TENM2: variants seen among roughly 807,000 people sequenced by gnomAD.
TENM2 encodes the protein teneurin transmembrane protein 2.
A neutral mutation model predicts 245.2 loss-of-function variants in TENM2; 52 were observed. That is an observed-to-expected ratio of 0.21 (90% CI 0.17 to 0.27). The LOEUF (loss-of-function observed/expected upper bound fraction) is 0.27, where lower values mean the gene tolerates loss of function less well. Among genes scored for constraint, TENM2 ranks in the 10% least tolerant of loss-of-function variants. The pLI is 1.00. For missense variants in TENM2, 3,046 were observed against 3,666.8 expected (o/e 0.83, Z 4.37); for synonymous variants, 1,363 against 1,438.9 (o/e 0.95, Z 1.19).
chr5:167,483,414 T>G (rs1237292597), intron 2 of TENM2, among the ~76,000 whole-genome samples: 1 of 152,158 alleles, frequency 6.6e-6, no homozygotes, highest in East Asian at 1.9e-4. Flanking sequence ...ATTAGTTATG[T>G]GTATTTTCTG....
chr5:167,220,523 C>T, the TENM2 span, among the ~76,000 whole-genome samples: 2 of 152,004 alleles, frequency 1.3e-5, no homozygotes, highest in African/African-American at 4.8e-5. Context: ...TATTAGATCC[C>T]AAATAAGAAT....
At chr5:167,409,136 A>G (rs2039061583) in intron 2 of TENM2, among the ~76,000 whole-genome samples, 1 of 151,934 alleles carries the variant, frequency 6.6e-6, no homozygotes, top group South Asian at 2.1e-4. Flanking sequence ...ACTCAAGTCT[A>G]CCTGTCTAGA....
intron 2 of TENM2, among the ~76,000 whole-genome samples, chr5:167,409,905 G>GT (rs547164243): frequency 1.1e-4 from 17 of 151,878 alleles, no homozygotes; most frequent in East Asian, 3.9e-4. Context: ...TTCTTTGTTA[G>GT]TTTTTTTAGA....
At chr5:167,399,621 C>T (rs1005586289) in intron 2 of TENM2, among the ~76,000 whole-genome samples, 1 of 152,110 alleles carries the variant, frequency 6.6e-6, no homozygotes, top group Non-Finnish European at 1.5e-5. Context: ...GTGTAAAGCT[C>T]AGTTTTGTCA....
chr5:167,666,600 C>T (rs898675302), intron 2 of TENM2, among the ~76,000 whole-genome samples: 1 of 152,060 alleles, frequency 6.6e-6, no homozygotes, highest in African/African-American at 2.4e-5. Flanking sequence ...CACTCAAGGA[C>T]AGTACTTAGA....
chr5:168,215,060 A>G (rs760486856), exon 21 of TENM2: 1 of 1,613,822 alleles, frequency 6.2e-7, no homozygotes, highest in African/African-American at 1.3e-5. Flanking sequence ...GCACACAAGT[A>G]CTACTTGGCA....
chr5:167,817,425 T>C (rs1056563666), intron 2 of TENM2, among the ~76,000 whole-genome samples: 1 of 152,210 alleles, frequency 6.6e-6, no homozygotes, highest in African/African-American at 2.4e-5. Flanking sequence ...ACTTCTGTAT[T>C]CTTCAAAGAT....
the TENM2 span, among the ~76,000 whole-genome samples, chr5:167,131,807 A>G: frequency 6.6e-6 from 1 of 151,800 alleles, no homozygotes; most frequent in Non-Finnish European, 1.5e-5. Flanking sequence ...GGTGTTTTTT[A>G]TTTGTTTGTT....
chr5:167,534,697 G>A (rs58232677), intron 2 of TENM2, among the ~76,000 whole-genome samples: 3,292 of 152,176 alleles, frequency 0.022, 140 homozygotes, highest in African/African-American at 0.075. Flanking sequence ...TTTGGTGTGC[G>A]GGATAGAGGA....
At chr5:167,947,993 G>C (rs1779771853) in intron 3 of TENM2, among the ~76,000 whole-genome samples, 1 of 152,108 alleles carries the variant, frequency 6.6e-6, no homozygotes, top group African/African-American at 2.4e-5. Flanking sequence ...GTCGATGCTT[G>C]GCAAAAGTAG....
At chr5:167,398,845 C>G (rs746355125) in intron 2 of TENM2, among the ~76,000 whole-genome samples, 120 of 152,120 alleles carry the variant, frequency 7.9e-4, no homozygotes, top group Non-Finnish European at 8.4e-4. Flanking sequence ...ACAATTCATG[C>G]ATAGTACCGA....
chr5:167,192,900 G>C, the TENM2 span, among the ~76,000 whole-genome samples: 5 of 152,048 alleles, frequency 3.3e-5, no homozygotes, highest in Non-Finnish European at 7.4e-5. Flanking sequence ...GAAGGGAAAA[G>C]ATATTGCAGG....
intron 1 of TENM2, among the ~76,000 whole-genome samples, chr5:167,368,162 T>TG (rs1156724909): frequency 6.6e-6 from 1 of 152,190 alleles, no homozygotes; most frequent in Non-Finnish European, 1.5e-5. Flanking sequence ...AACTGTATCT[T>TG]GAAAAAAATA....
At chr5:167,010,080 GC>G in the TENM2 span, among the ~76,000 whole-genome samples, 2 of 152,088 alleles carry the variant, frequency 1.3e-5, no homozygotes, top group East Asian at 3.9e-4. Flanking sequence ...CAGAACAGCA[GC>G]AAAATTTTAC....
intron 5 of TENM2, among the ~76,000 whole-genome samples, chr5:168,017,915 A>G (rs975193723): frequency 6.6e-6 from 1 of 152,122 alleles, no homozygotes; most frequent in African/African-American, 2.4e-5. Flanking sequence ...TCTTCTTGAC[A>G]TAATAGCTTT....
intron 2 of TENM2, among the ~76,000 whole-genome samples, chr5:167,441,869 G>T (rs1349103607): frequency 6.6e-6 from 1 of 152,170 alleles, no homozygotes; most frequent in Non-Finnish European, 1.5e-5. Context: ...CTATAGAGAA[G>T]GGTCACAGCT....
chr5:167,360,596 A>T (rs1159730203), intron 1 of TENM2, among the ~76,000 whole-genome samples: 1 of 152,206 alleles, frequency 6.6e-6, no homozygotes, highest in African/African-American at 2.4e-5. Context: ...ATGAATATTC[A>T]TTACAGGAAA....
At chr5:167,626,897 G>T (rs1184072727) in intron 2 of TENM2, among the ~76,000 whole-genome samples, 1 of 152,176 alleles carries the variant, frequency 6.6e-6, no homozygotes, top group Non-Finnish European at 1.5e-5. Flanking sequence ...ACAGTGGTAA[G>T]CTCACTGGCC....
At chr5:167,091,123 T>A in the TENM2 span, among the ~76,000 whole-genome samples, 1 of 151,984 alleles carries the variant, frequency 6.6e-6, no homozygotes, top group Non-Finnish European at 1.5e-5. Context: ...TTTTGTGAAT[T>A]TTTTTTTAAA....
Sources: allele counts gnomAD v4.1 joint callset (sites outside exome capture counted in the v4.1 genomes callset), GRCh38; gene constraint gnomAD v4.1.1; transcripts MANE v1.5; gene names NCBI Gene and HGNC (gene_info 2026-07-23, HGNC 2026-07-21).